Variants in ATRX observed in about 807,000 individuals in gnomAD.
The protein encoded by ATRX is ATRX chromatin remodeler, also known as chromatin remodeler ATRX.
ATRX carries 12 observed loss-of-function variants against 172.6 expected under a neutral mutation model. The observed-to-expected ratio is 0.07, with a 90% CI of 0.04 to 0.11. The LOEUF (loss-of-function observed/expected upper bound fraction) is 0.11, where lower values mean the gene tolerates loss of function less well. Among genes scored for constraint, ATRX ranks in the 10% least tolerant of loss-of-function variants. The probability of loss-of-function intolerance (pLI) is 1.00; values close to 1 mark genes in which losing one functional copy is unlikely to be tolerated. For missense variants in ATRX, 1,368 were observed against 1,767.4 expected (o/e 0.77, Z 4.05); for synonymous variants, 674 against 594.7 (o/e 1.13, Z -1.94).
At chrX:77,591,264 T>A (rs1557080318) in intron 26 of ATRX, among the ~76,000 whole-genome samples, 2 of 111,987 alleles carry the variant, frequency 1.8e-5, no homozygotes, top group Admixed American at 9.5e-5. Context: ...AAAATGACTA[T>A]TCTGGTCTAA....
At chrX:77,694,544 G>A (rs1039439212) in intron 5 of ATRX, among the ~76,000 whole-genome samples, 4 of 110,872 alleles carry the variant, frequency 3.6e-5, no homozygotes, top group African/African-American at 1.3e-4. Flanking sequence ...TTTAGCTGAA[G>A]TACCCTAACA....
chrX:77,521,299 A>C, intron 33 of ATRX, 104 bp downstream of exon 33: 1 of 649,912 alleles, frequency 1.5e-6, no homozygotes. Context: ...TTACTATTGC[A>C]AATCAATTTA....
At chrX:77,669,538 G>T (rs2070441760) in intron 10 of ATRX, among the ~76,000 whole-genome samples, 1 of 111,092 alleles carries the variant, frequency 9.0e-6, no homozygotes, top group African/African-American at 3.3e-5. Flanking sequence ...TGACCAGGAT[G>T]GTCTCAAACT....
intron 22 of ATRX, among the ~76,000 whole-genome samples, chrX:77,610,293 C>G (rs1229310506): frequency 3.6e-5 from 4 of 112,160 alleles, no homozygotes; most frequent in African/African-American, 1.3e-4. Flanking sequence ...AAGTGACATC[C>G]TTGTTTTGTT....
At position 77,658,256 on chromosome X, in the gene ATRX, T is replaced by A. The variant is rs1025271935; in HGVS notation, c.4121-1603A>T. 2.7e-5 allele frequency among the ~76,000 whole-genome samples: 3 copies of A among 112,279 alleles called. No homozygotes were observed. In the East Asian group the frequency reaches 8.3e-4, roughly 31 times the overall value. ...ATCATCTATTCTTGATATCATGCAC[T>A]GAAGACACAACATCACTTCTGTGGT... On this transcript the variant is annotated intron_variant, in intron 12 of 34. Coordinates refer to ENST00000373344, the MANE Select transcript of ATRX (RefSeq NM_000489.6).
intron 1 of ATRX, among the ~76,000 whole-genome samples, chrX:77,739,361 A>C (rs2074751088): frequency 9.1e-6 from 1 of 109,329 alleles, no homozygotes; most frequent in Non-Finnish European, 1.9e-5. Context: ...ATATATATAT[A>C]ATCAGATATA....
chrX:77,783,217 A>G (rs923909544), intron 1 of ATRX, among the ~76,000 whole-genome samples: 11 of 112,048 alleles, frequency 9.8e-5, no homozygotes, highest in African/African-American at 3.2e-4. Context: ...CCTGGGCAAC[A>G]AAGTGAGACT....
In ATRX at chrX:77,683,817, G is replaced by A. The variant is rs782751824; in HGVS notation, c.1439C>T (p.Thr480Ile). ...DSEHMHQNVP[T>I]EEQRTNKSTG... ...ACTTTTATTTGTTCTTTGTTCCTCT[G>A]TTGGAACATTCTGATGCATGTGCTC... The change falls in exon 9 of 35, where the codon ACA becomes ATA. Residue 480 changes from threonine (T) to isoleucine (I), a missense_variant. Physicochemically the swap from Thr to Ile is moderately conservative, Grantham distance 89. Coordinates refer to ENST00000373344, the MANE Select transcript of ATRX (RefSeq NM_000489.6). 3 of 1,207,243 alleles carry A rather than the reference G, an allele frequency of 2.5e-6. No individual in the cohort carries two copies. The highest frequency in any genetic ancestry group is 3.4e-6 in the Non-Finnish European group (3 of 892,778).
At chrX:77,511,812 T>A (rs1184281069) in intron 34 of ATRX, among the ~76,000 whole-genome samples, 2 of 111,129 alleles carry the variant, frequency 1.8e-5, no homozygotes, top group Non-Finnish European at 3.8e-5. Context: ...ATGAAGCACA[T>A]CTACAAGATC....
At chrX:77,747,875 G>C (rs1557185830) in intron 1 of ATRX, among the ~76,000 whole-genome samples, 1 of 112,018 alleles carries the variant, frequency 8.9e-6, no homozygotes, top group Admixed American at 9.6e-5. Flanking sequence ...AAGAAACAAA[G>C]TTTGCTAGAG....
intron 9 of ATRX, 42 bp downstream of exon 9, chrX:77,681,478 G>A (rs1427155304): frequency 8.8e-7 from 1 of 1,140,993 alleles, no homozygotes; most frequent in Non-Finnish European, 1.2e-6. Context: ...AACTCAAGAG[G>A]GGGAAGTACA....
chrX:77,585,699 C>T (rs532187560), intron 27 of ATRX, among the ~76,000 whole-genome samples: 58 of 101,585 alleles, frequency 5.7e-4, no homozygotes, highest in South Asian at 4.1e-3. Context: ...TCTGCACTGT[C>T]TATTGTAGCA....
At chrX:77,688,001 G>C (rs1431838799) in intron 7 of ATRX, among the ~76,000 whole-genome samples, 1 of 111,484 alleles carries the variant, frequency 9.0e-6, no homozygotes, top group East Asian at 2.8e-4. Flanking sequence ...ACAATGGCGC[G>C]ATCTCGACTC....
At chrX:77,720,716 GA>G (rs1348730560) in intron 1 of ATRX, among the ~76,000 whole-genome samples, 1 of 111,853 alleles carries the variant, frequency 8.9e-6, no homozygotes, top group African/African-American at 3.3e-5. Context: ...TCCAGGACCA[GA>G]CAGATTCAAA....
chrX:77,666,559 T>A (rs1374477001), intron 10 of ATRX, among the ~76,000 whole-genome samples: 8 of 112,446 alleles, frequency 7.1e-5, no homozygotes, highest in Admixed American at 6.6e-4. Context: ...TCTAAAATCA[T>A]CTTTTTAAAA....
chrX:77,723,952 C>T (rs2073900979), intron 1 of ATRX, among the ~76,000 whole-genome samples: 1 of 111,410 alleles, frequency 9.0e-6, no homozygotes, highest in Admixed American at 9.6e-5. Flanking sequence ...AGTCCATCAA[C>T]CGCAGTACCA....
intron 1 of ATRX, chrX:77,785,720 A>T: frequency 1.6e-6 from 1 of 627,413 alleles, no homozygotes; most frequent in Non-Finnish European, 2.1e-6. Context: ...ACCAAGCGTC[A>T]CCGTTTAGGG....
intron 19 of ATRX, among the ~76,000 whole-genome samples, chrX:77,626,820 T>C (rs1169562964): frequency 1.8e-5 from 2 of 112,726 alleles, no homozygotes; most frequent in Non-Finnish European, 3.7e-5. Flanking sequence ...CTTAAGGATA[T>C]GTATTACTTT....
intron 22 of ATRX, among the ~76,000 whole-genome samples, chrX:77,609,627 G>A (rs1557092873): frequency 1.8e-5 from 2 of 111,762 alleles, no homozygotes; most frequent in Non-Finnish European, 1.9e-5. Flanking sequence ...AGGATTACAG[G>A]CACATGCCAC....
Sources: allele counts gnomAD v4.1 joint callset (sites outside exome capture counted in the v4.1 genomes callset), GRCh38; gene constraint gnomAD v4.1.1; transcripts MANE v1.5; gene names NCBI Gene and HGNC (gene_info 2026-07-23, HGNC 2026-07-21).